KLHL32: variants seen among roughly 807,000 people sequenced by gnomAD.
KLHL32 encodes the protein kelch like family member 32, also known as kelch-like protein 32.
Under a neutral mutation model 64.8 loss-of-function variants are expected in KLHL32, and 35 were observed. That is an observed-to-expected ratio of 0.54 (90% CI 0.41 to 0.72). The LOEUF is 0.72. Ranked by LOEUF, KLHL32 falls within the 30% of genes least tolerant of loss-of-function variation. KLHL32 has a pLI of 0.00. For synonymous variants in KLHL32, 259 were observed against 281.0 expected, an observed-to-expected ratio of 0.92 and a Z score of 0.78; for missense variants, 589 against 768.5, an observed-to-expected ratio of 0.77 and a Z score of 2.76.
intron 3 of KLHL32, among the ~76,000 whole-genome samples, chr6:97,033,332 A>G (rs1054183485): frequency 6.6e-6 from 1 of 152,142 alleles, no homozygotes; most frequent in East Asian, 1.9e-4. Flanking sequence ...AAGTTCATCC[A>G]TATTGTTGCA....
chr6:96,989,383 C>T (rs1263580028), intron 3 of KLHL32, among the ~76,000 whole-genome samples: 1 of 152,116 alleles, frequency 6.6e-6, no homozygotes, highest in Non-Finnish European at 1.5e-5. Context: ...ATATGAATTT[C>T]TTGGATGGAA....
intron 3 of KLHL32, among the ~76,000 whole-genome samples, chr6:97,013,511 C>T (rs544222377): frequency 1.3e-5 from 2 of 152,218 alleles, no homozygotes; most frequent in African/African-American, 2.4e-5. Flanking sequence ...CTAAGAAAGT[C>T]CCTGAAGTCA....
intron 1 of KLHL32, among the ~76,000 whole-genome samples, chr6:96,959,463 T>G (rs975135062): frequency 6.6e-6 from 1 of 152,216 alleles, no homozygotes; most frequent in Non-Finnish European, 1.5e-5. Flanking sequence ...GCCTCTCTCT[T>G]TGGCTTACAG....
intron 1 of KLHL32, among the ~76,000 whole-genome samples, chr6:96,937,182 A>G (rs1770712834): frequency 6.6e-6 from 1 of 152,186 alleles, no homozygotes; most frequent in Non-Finnish European, 1.5e-5. Context: ...CCAGTTTTAG[A>G]ACATTTCTGT....
At chr6:97,013,246 A>T (rs1295575928) in intron 3 of KLHL32, among the ~76,000 whole-genome samples, 4 of 152,200 alleles carry the variant, frequency 2.6e-5, no homozygotes, top group African/African-American at 9.6e-5. Context: ...GTATTTCAGC[A>T]GTTTGGTATC....
At chr6:96,973,730 C>CTCTTTTT (rs1554208428) in intron 2 of KLHL32, among the ~76,000 whole-genome samples, 1 of 118,248 alleles carries the variant, frequency 8.5e-6, no homozygotes, top group African/African-American at 3.3e-5. Flanking sequence ...TACAGATTGC[C>CTCTTTTT]TTTTTTTTTT....
chr6:97,139,240 T>A lies in KLHL32; in HGVS notation c.1821T>A (p.Leu607=), dbSNP rs1392041010. The change falls in exon 11 of 11, where the codon CTT becomes CTA. Residue 607 remains leucine, a synonymous_variant. Coordinates refer to ENST00000369261, the MANE Select transcript of KLHL32 (RefSeq NM_052904.4). ...LPAPYFTCPN[L]QTLQVPHHRI... ...CTCCATATTTTACATGCCCTAACCT[T>A]CAAACTCTTCAAGTGCCTCATCACA... 2 of 1,613,936 alleles carry A rather than the reference T, an allele frequency of 1.2e-6. No homozygotes were observed. Among genetic ancestry groups the A allele is most frequent in the Non-Finnish European group, 1.7e-6 (2 of 1,179,926 alleles).
At chr6:96,954,031 G>A (rs1772958531) in intron 1 of KLHL32, among the ~76,000 whole-genome samples, 1 of 151,822 alleles carries the variant, frequency 6.6e-6, no homozygotes, top group African/African-American at 2.4e-5. Flanking sequence ...TGTAGTTTGG[G>A]AACTTCCTTC....
intron 3 of KLHL32, among the ~76,000 whole-genome samples, chr6:97,006,626 G>A (rs1483519914): frequency 6.6e-6 from 1 of 152,146 alleles, no homozygotes. Context: ...GTGGTGACCA[G>A]TAATGGTCTT....
intron 5 of KLHL32, among the ~76,000 whole-genome samples, chr6:97,066,764 T>C (rs1789820264): frequency 6.6e-6 from 1 of 152,160 alleles, no homozygotes. Context: ...GTCAATTCAA[T>C]CTACTTTTAT....
At chr6:97,093,002 G>T (rs969805909) in intron 6 of KLHL32, among the ~76,000 whole-genome samples, 1 of 152,100 alleles carries the variant, frequency 6.6e-6, no homozygotes, top group Admixed American at 6.5e-5. Context: ...GAACAACAAG[G>T]TGATTTATGA....
intron 3 of KLHL32, among the ~76,000 whole-genome samples, chr6:97,041,199 A>T (rs1785059942): frequency 6.6e-6 from 1 of 152,210 alleles, no homozygotes; most frequent in Non-Finnish European, 1.5e-5. Context: ...CAGGACCAAG[A>T]GAAAGCGTTC....
At chr6:97,011,389 G>A (rs1427601408) in intron 3 of KLHL32, among the ~76,000 whole-genome samples, 1 of 152,198 alleles carries the variant, frequency 6.6e-6, no homozygotes, top group Non-Finnish European at 1.5e-5. Context: ...GTTGGAATGA[G>A]ACAAGTTTTC....
intron 5 of KLHL32, among the ~76,000 whole-genome samples, chr6:97,071,150 G>T (rs1486907063): frequency 6.6e-6 from 1 of 151,952 alleles, no homozygotes; most frequent in African/African-American, 2.4e-5. Context: ...CTACCCAACT[G>T]TACCCAGTGT....
the KLHL32 span, among the ~76,000 whole-genome samples, chr6:96,899,191 T>C: frequency 2.6e-5 from 4 of 152,328 alleles, no homozygotes; most frequent in African/African-American, 9.6e-5. Context: ...TATTTGGAAT[T>C]TATAGAAGCT....
intron 3 of KLHL32, among the ~76,000 whole-genome samples, chr6:97,019,028 C>G (rs1186789145): frequency 1.3e-5 from 2 of 152,036 alleles, no homozygotes; most frequent in Non-Finnish European, 2.9e-5. Flanking sequence ...TTGTTCTGAT[C>G]AAGTACATAA....
chr6:97,096,483 G>A (rs1795008110), intron 6 of KLHL32, among the ~76,000 whole-genome samples: 1 of 152,218 alleles, frequency 6.6e-6, no homozygotes, highest in Non-Finnish European at 1.5e-5. Flanking sequence ...AACTTTTTAA[G>A]GATGTTAATG....
chr6:96,911,169 C>A, the KLHL32 span, among the ~76,000 whole-genome samples: 1 of 152,198 alleles, frequency 6.6e-6, no homozygotes, highest in Admixed American at 6.5e-5. Context: ...AGTTCAAGAT[C>A]CAGCTGCCAG....
At chr6:97,051,334 G>A (rs1262258046) in intron 4 of KLHL32, among the ~76,000 whole-genome samples, 2 of 152,116 alleles carry the variant, frequency 1.3e-5, no homozygotes, top group Non-Finnish European at 2.9e-5. Context: ...TGCCAGTATT[G>A]GGAATAGAAA....
Sources: gnomAD v4.1 joint callset for allele counts (sites outside exome capture counted in the v4.1 genomes callset) on GRCh38, gnomAD v4.1.1 for gene constraint, MANE v1.5 for transcripts, NCBI Gene and HGNC (gene_info 2026-07-23, HGNC 2026-07-21) for gene names.